Variants in RAD21L1 observed in about 807,000 individuals in gnomAD.
RAD21L1 encodes double-strand-break repair protein rad21-like protein 1.
A neutral mutation model predicts 69.0 loss-of-function variants in RAD21L1; 47 were observed. That is an observed-to-expected ratio of 0.68 (90% confidence interval 0.54 to 0.87). RAD21L1 has a LOEUF of 0.87. Ranked by LOEUF, RAD21L1 falls within the 40% of genes least tolerant of loss-of-function variation. The probability of loss-of-function intolerance (pLI) is 0.00; values close to 1 mark genes in which losing one functional copy is unlikely to be tolerated. For missense variants in RAD21L1, 583 were observed against 647.6 expected (o/e 0.90, Z 1.08); for synonymous variants, 177 against 205.8 (o/e 0.86, Z 1.20).
At chr20:1,238,288 A>C in intron 6 of RAD21L1, 74 bp downstream of exon 6, 1 of 1,030,370 alleles carries the variant, frequency 9.7e-7, no homozygotes, top group Non-Finnish European at 1.3e-6. Context: ...TAGATTTATT[A>C]TATCAATCTA....
chr20:1,248,743 A>G (rs13043675), intron 13 of RAD21L1, 40 bp downstream of exon 13: 1 of 1,162,830 alleles, frequency 8.6e-7, no homozygotes, highest in East Asian at 2.6e-5. Flanking sequence ...TTTATTTTAA[A>G]AAATAAGTAA....
At chr20:1,237,909 G>A (rs1252417808) in intron 5 of RAD21L1, 135 bp from the exon 6 acceptor site, 1 of 486,582 alleles carries the variant, frequency 2.1e-6, no homozygotes, top group Non-Finnish European at 3.6e-6. Context: ...ATTCAAGTAA[G>A]TCTTTCAGCC....
At chr20:1,234,048 G>C (rs754157095) in intron 4 of RAD21L1, 37 bp from the exon 5 acceptor site, 2 of 945,348 alleles carry the variant, frequency 2.1e-6, no homozygotes, top group South Asian at 3.1e-5. Context: ...ATTGTTTTCT[G>C]TTCTCATGTT....
At position 1,228,333 on chromosome 20, in the gene RAD21L1, GTTATT is replaced by G. The variant is rs1600213018; in HGVS notation, c.-32-86_-32-82del. The G allele has an allele frequency of 1.7e-5, 10 of 591,458 alleles. No homozygotes were observed. In the East Asian group the frequency reaches 2.9e-4, roughly 17 times the overall value. 36.6% of individuals were successfully genotyped at this position (591,458 alleles called of 1,614,324 possible). ...AATTGAATTAGAACATAATCTGAAT[GTTATT>G]TTGTAGAATTAATACATATTTTTCT... On this transcript the variant is annotated intron_variant, in intron 1 of 13. Coordinates refer to ENST00000683101, the MANE Select transcript of RAD21L1 (RefSeq NM_001384355.1).
intron 2 of RAD21L1, among the ~76,000 whole-genome samples, chr20:1,229,369 G>T (rs1317979220): frequency 6.6e-6 from 1 of 152,104 alleles, no homozygotes; most frequent in African/African-American, 2.4e-5. Context: ...AAGCTCTTAG[G>T]ACAATGCCTG....
intron 13 of RAD21L1, among the ~76,000 whole-genome samples, chr20:1,251,253 A>C (rs1388768256): frequency 6.6e-6 from 1 of 152,008 alleles, no homozygotes; most frequent in Non-Finnish European, 1.5e-5. Context: ...GAAAGGTCAG[A>C]TATTGCCTTA....
At position 1,239,316 on chromosome 20, in the gene RAD21L1, T is replaced by C. The variant is rs1449402444; in HGVS notation, c.651T>C (p.Asn217=). The C allele has an allele frequency of 6.6e-7, 1 of 1,524,948 alleles. No individual in the cohort carries two copies. Among genetic ancestry groups the C allele is most frequent in the East Asian group, 2.5e-5 (1 of 40,678 alleles). 94.5% of individuals were successfully genotyped at this position (1,524,948 alleles called of 1,614,324 possible). A position where few individuals can be genotyped will look rare whatever the true frequency, so the allele number is the denominator to read the frequency against. The change falls in exon 7 of 14, where the codon AAT becomes AAC. Residue 217 remains asparagine (N), a synonymous_variant. Coordinates refer to ENST00000683101, the MANE Select transcript of RAD21L1 (RefSeq NM_001384355.1). The part of the protein sequence containing the change: ...DEGAAGEMID[N]LLQDDQNILL... ...ATATTCATTGTGTTTTTCAAGACAA[T>C]CTATTGCAAGATGATCAGAATATCC...
chr20:1,250,609 A>G (rs73604152), intron 13 of RAD21L1, among the ~76,000 whole-genome samples: 1 of 152,194 alleles, frequency 6.6e-6, no homozygotes, highest in Non-Finnish European at 1.5e-5. Context: ...TCTATCATTG[A>G]TGGACATTTG....
chr20:1,233,605 T>TG, intron 4 of RAD21L1, among the ~76,000 whole-genome samples: 1 of 152,314 alleles, frequency 6.6e-6, no homozygotes, highest in East Asian at 1.9e-4. Flanking sequence ...ATTCATCGTC[T>TG]GGTGATGGCC....
chr20:1,244,213 C>T (rs1317104601), intron 11 of RAD21L1, 43 bp downstream of exon 11: 3 of 1,343,514 alleles, frequency 2.2e-6, no homozygotes, highest in Non-Finnish European at 3.1e-6. Context: ...TTATTTTCTA[C>T]AGATACAGTA....
intron 5 of RAD21L1, 102 bp from the exon 6 acceptor site, chr20:1,237,942 G>A (rs1775759402): frequency 1.8e-6 from 1 of 544,494 alleles, no homozygotes; most frequent in African/African-American, 1.9e-5. Context: ...TATAAAATGA[G>A]GTGTTGGATG....
chr20:1,242,066 C>G (rs1229724057), intron 8 of RAD21L1, among the ~76,000 whole-genome samples: 1 of 152,158 alleles, frequency 6.6e-6, no homozygotes, highest in African/African-American at 2.4e-5. Context: ...GTGGACTTCC[C>G]TCTTCCCCAC....
chr20:1,240,424 T>C lies in RAD21L1; in HGVS notation c.846T>C (p.Ile282=). The C allele has an allele frequency of 6.5e-7, 1 of 1,541,936 alleles. No individual in the cohort carries two copies. Among genetic ancestry groups the C allele is most frequent in the Non-Finnish European group, 8.7e-7 (1 of 1,144,100 alleles). ...AGGAAGGATTTACCCTTGATCCAATTGATATTTCAGGTCAGAGGCATTTAC... is the reference window on the plus strand; with the variant it reads ...AGGAAGGATTTACCCTTGATCCAATCGATATTTCAGGTCAGAGGCATTTAC... ...TEEEGFTLDP[I]DISDIAEKRK... Residue 282 remains isoleucine (I), a synonymous_variant, in exon 8 of 14, where the codon ATT becomes ATC. Transcript: ENST00000683101.
In RAD21L1 at chr20:1,228,417, T is replaced by A; in HGVS notation, c.-32-5T>A. 7.1e-7 allele frequency: 1 copy of A among 1,413,672 alleles called. No individual in the cohort carries two copies. The allele number at this position is 1,413,672 out of a possible 1,614,324, so 87.6% of individuals were successfully genotyped here. A position where few individuals can be genotyped will look rare whatever the true frequency, so the allele number is the denominator to read the frequency against. ...ATTTTAAATTTCTTTTCGTGTTCTC[T>A]CTAGTTTGTTAAATACAAGTAAGGA... is the stretch of plus-strand genomic sequence containing the variant. On this transcript the variant is annotated splice_region_variant and splice_polypyrimidine_tract_variant and intron_variant, in intron 1 of 13. Coordinates refer to ENST00000683101, the MANE Select transcript of RAD21L1 (RefSeq NM_001384355.1).
intron 8 of RAD21L1, among the ~76,000 whole-genome samples, chr20:1,241,654 C>G (rs2087609683): frequency 6.6e-6 from 1 of 152,074 alleles, no homozygotes; most frequent in Non-Finnish European, 1.5e-5. Context: ...CTCTGGTTAT[C>G]AGCTATACCA....
Position 1,246,184 on chromosome 20 carries a change from A to G in RAD21L1, c.1309-29A>G. On this transcript the variant is annotated intron_variant, in intron 11 of 13. Coordinates refer to ENST00000683101, the MANE Select transcript of RAD21L1 (RefSeq NM_001384355.1). This position sits in a 1 kb window ranked among gnomAD's most constrained non-coding sequence, Gnocchi z 4.6. ...TTCCTGTATAACCACTGGCAGATTT[A>G]CCTAACTTTCCCTAATTTGCTTCAG... 3.0e-6 allele frequency: 4 copies of G among 1,339,086 alleles called. No individual in the cohort carries two copies. Among genetic ancestry groups the G allele is most frequent in the Non-Finnish European group, 4.1e-6 (4 of 972,394 alleles). 83.0% of individuals were successfully genotyped at this position (1,339,086 alleles called of 1,614,324 possible). A position where few individuals can be genotyped will look rare whatever the true frequency, so the allele number is the denominator to read the frequency against.
At chr20:1,236,042 G>C (rs1369628794) in intron 5 of RAD21L1, among the ~76,000 whole-genome samples, 1 of 152,092 alleles carries the variant, frequency 6.6e-6, no homozygotes, top group Non-Finnish European at 1.5e-5. Context: ...TGCTGGGATT[G>C]CAGGCATGAC....
chr20:1,255,465 T>C lies in RAD21L1; in HGVS notation c.*1008T>C, dbSNP rs1236460247. 6.6e-6 allele frequency among the ~76,000 whole-genome samples: 1 copy of C among 152,204 alleles called. No homozygotes were observed. Among genetic ancestry groups the C allele is most frequent in the African/African-American group, 2.4e-5 (1 of 41,464 alleles). On this transcript the variant is annotated 3_prime_UTR_variant, in exon 14 of 14. Transcript: ENST00000683101. ...TGTCAAATGAAGCCTATGGTACTCA[T>C]TAAAATGTTGTTATATCTGGAATTA...
In RAD21L1 at chr20:1,255,145, G is replaced by C. The variant is rs965849618; in HGVS notation, c.*688G>C. Among the ~76,000 whole-genome samples, 1 of 151,846 alleles carries C rather than the reference G, an allele frequency of 6.6e-6. No individual in the cohort carries two copies. Among genetic ancestry groups the C allele is most frequent in the Non-Finnish European group, 1.5e-5 (1 of 67,980 alleles). On this transcript the variant is annotated 3_prime_UTR_variant, in exon 14 of 14. Coordinates refer to ENST00000683101, the MANE Select transcript of RAD21L1 (RefSeq NM_001384355.1). ...TCTTTGCTTTAAATTGCCTGAGTGGGTTTTAGTCTATTTATAGGTCACTTA... is the reference window on the plus strand; with the variant it reads ...TCTTTGCTTTAAATTGCCTGAGTGGCTTTTAGTCTATTTATAGGTCACTTA...
Sources: allele counts gnomAD v4.1 joint callset (sites outside exome capture counted in the v4.1 genomes callset), GRCh38; gene constraint gnomAD v4.1.1; non-coding constraint Gnocchi (gnomAD v3.1); transcripts MANE v1.5; gene names NCBI Gene and HGNC (gene_info 2026-07-23, HGNC 2026-07-21).